FOXO1: variants seen among roughly 807,000 people sequenced by gnomAD.
FOXO1 encodes forkhead box O1.
FOXO1 carries 6 observed loss-of-function variants against 44.1 expected under a neutral mutation model. The observed-to-expected ratio is 0.14, with a 90% CI of 0.07 to 0.27. The LOEUF is 0.27. FOXO1 is among the 10% of genes least tolerant of loss of function. The pLI is 1.00. For missense variants in FOXO1, 737 were observed against 888.8 expected (o/e 0.83, Z 2.17); for synonymous variants, 380 against 362.7 (o/e 1.05, Z -0.54).
intron 1 of FOXO1, among the ~76,000 whole-genome samples, chr13:40,607,763 AC>A (rs1486128584): frequency 2.0e-5 from 3 of 152,250 alleles, no homozygotes; most frequent in Admixed American, 1.3e-4. Context: ...AATAAATGAA[AC>A]CTGTTATCTA....
Position 40,666,009 on chromosome 13 carries a change from G to T in FOXO1, c.204C>A (p.Ala68=). 1 of 1,268,410 alleles carries T rather than the reference G, an allele frequency of 7.9e-7. No individual in the cohort carries two copies. Among genetic ancestry groups the T allele is most frequent in the Non-Finnish European group, 9.9e-7 (1 of 1,008,646 alleles). The allele number at this position is 1,268,410 out of a possible 1,614,324, so 78.6% of individuals were successfully genotyped here. A position where few individuals can be genotyped will look rare whatever the true frequency, so the allele number is the denominator to read the frequency against. Residue 68 remains alanine, a synonymous_variant, in exon 1 of 3, where the codon GCC becomes GCA. Transcript: ENST00000379561. ...GCAAGCTCAGGTTGCTCATGAAGTC[G>T]GCGCTGACAGCGGCAGCCGAGGCCG... ...LPSASAAAVS[A]DFMSNLSLLE... is the part of the protein sequence containing the mutation.
chr13:40,652,157 C>CAG (rs1354329051), intron 1 of FOXO1, among the ~76,000 whole-genome samples: 1 of 152,172 alleles, frequency 6.6e-6, no homozygotes, highest in Non-Finnish European at 1.5e-5. Flanking sequence ...GGTAGCCCTG[C>CAG]AGAGAGAGAG....
chr13:40,566,656 G>C (rs907318000), intron 1 of FOXO1, among the ~76,000 whole-genome samples: 3 of 152,122 alleles, frequency 2.0e-5, no homozygotes, highest in African/African-American at 7.2e-5. Flanking sequence ...TGGGATTACA[G>C]GCGTGAGCCA....
intron 1 of FOXO1, among the ~76,000 whole-genome samples, chr13:40,646,902 G>A (rs779358520): frequency 9.2e-5 from 14 of 152,110 alleles, no homozygotes; most frequent in Admixed American, 2.0e-4. Flanking sequence ...CCTGAACTTC[G>A]TAACAATTCA....
rs914847913 is a variant in FOXO1, at chr13:40,665,938, G to A, written c.275C>T (p.Ala92Val). The part of the protein sequence containing the change: ...DFPQAPGSVA[A>V]AVAAAAAAAA... ...CGCGGCGGCCGCCGCCGCCACCGCC[G>A]CCGCCACGGAGCCGGGCGCCTGCGG... The change falls in exon 1 of 3, where the codon GCG becomes GTG. Residue 92 changes from alanine to valine, a missense_variant. Around this residue, in one of 7 missense-constraint regions of FOXO1, gnomAD observed 213 missense variants for 236.4 expected, o/e 0.90. Coordinates refer to ENST00000379561, the MANE Select transcript of FOXO1 (RefSeq NM_002015.4). 7.4e-6 allele frequency: 9 copies of A among 1,217,722 alleles called. No individual in the cohort carries two copies. Among genetic ancestry groups the A allele is most frequent in the African/African-American group, 6.3e-5 (4 of 63,226 alleles). 75.4% of individuals were successfully genotyped at this position (1,217,722 alleles called of 1,614,324 possible).
intron 1 of FOXO1, among the ~76,000 whole-genome samples, chr13:40,595,401 C>T (rs1032421531): frequency 1.3e-5 from 2 of 152,118 alleles, no homozygotes; most frequent in South Asian, 2.1e-4. Context: ...CGCAGATCCT[C>T]GTTCAGTATT....
intron 1 of FOXO1, among the ~76,000 whole-genome samples, chr13:40,640,657 T>C (rs566566298): frequency 1.3e-5 from 2 of 151,108 alleles, no homozygotes; most frequent in Non-Finnish European, 2.9e-5. Context: ...TTTCTTTTTG[T>C]CCTCGTCCCT....
chr13:40,653,244 G>A (rs1274788072), intron 1 of FOXO1, among the ~76,000 whole-genome samples: 1 of 152,130 alleles, frequency 6.6e-6, no homozygotes, highest in African/African-American at 2.4e-5. Context: ...TGACATTACA[G>A]GCACGAGCCA....
chr13:40,589,232 AT>A (rs1301208464), intron 1 of FOXO1, among the ~76,000 whole-genome samples: 1 of 152,228 alleles, frequency 6.6e-6, no homozygotes, highest in African/African-American at 2.4e-5. Context: ...AAAAGTAACT[AT>A]CTATTCACAT....
At chr13:40,638,329 G>A (rs1829001825) in intron 1 of FOXO1, among the ~76,000 whole-genome samples, 1 of 152,068 alleles carries the variant, frequency 6.6e-6, no homozygotes, top group Non-Finnish European at 1.5e-5. Flanking sequence ...AACTTATAGA[G>A]GAACGTTGAA....
chr13:40,663,963 A>C (rs1878127672), intron 1 of FOXO1, among the ~76,000 whole-genome samples: 1 of 152,190 alleles, frequency 6.6e-6, no homozygotes, highest in South Asian at 2.1e-4. Flanking sequence ...AGAGGCGAAG[A>C]AAGGTATGTT....
intron 1 of FOXO1, among the ~76,000 whole-genome samples, chr13:40,615,682 G>A (rs575863593): frequency 3.9e-5 from 6 of 152,314 alleles, no homozygotes; most frequent in Admixed American, 1.3e-4. Flanking sequence ...CTGAGTGAGC[G>A]AGGTGAGGTG....
chr13:40,644,539 C>T (rs543203500), intron 1 of FOXO1, among the ~76,000 whole-genome samples: 1 of 152,156 alleles, frequency 6.6e-6, no homozygotes, highest in Non-Finnish European at 1.5e-5. Context: ...AAGACCTGCA[C>T]GTGAGTCCGG....
At position 40,650,900 on chromosome 13, in the gene FOXO1, A is replaced by T. The variant is rs571137928; in HGVS notation, c.630+14683T>A. On this transcript the variant is annotated intron_variant, in intron 1 of 2. Coordinates refer to ENST00000379561, the MANE Select transcript of FOXO1 (RefSeq NM_002015.4). The stretch of plus-strand genomic sequence containing the variant: ...CTCCCGAGTAGCTGGGACTACAGGC[A>T]TGCACCACCATGCCCAGCTAATTTG... Among the ~76,000 whole-genome samples the T allele has an allele frequency of 9.9e-5, 15 of 152,110 alleles. No individual in the cohort carries two copies. The South Asian group carries it at 2.7e-3, about 27-fold the overall frequency.
chr13:40,559,805 T>C lies in FOXO1; in HGVS notation c.1686A>G (p.Val562=), dbSNP rs770037212. 1.9e-6 allele frequency: 3 copies of C among 1,614,026 alleles called. No homozygotes were observed. Among genetic ancestry groups the C allele is most frequent in the Non-Finnish European group, 2.5e-6 (3 of 1,179,962 alleles). ...GCATGGGGTGGGGCAGAGGCACTTGTACAGGTGTCTTCACTTGGGTCAGGC... is the reference window on the plus strand; with the variant it reads ...GCATGGGGTGGGGCAGAGGCACTTGCACAGGTGTCTTCACTTGGGTCAGGC... ...MNRLTQVKTP[V]QVPLPHPMQM... Residue 562 remains valine, a synonymous_variant, in exon 2 of 3, where the codon GTA becomes GTG. Coordinates refer to ENST00000379561, the MANE Select transcript of FOXO1 (RefSeq NM_002015.4).
Position 40,600,391 on chromosome 13 carries a change from G to A in FOXO1, c.631-39531C>T, listed in dbSNP as rs1875772718. Among the ~76,000 whole-genome samples the A allele has an allele frequency of 1.3e-5, 2 of 151,838 alleles. 1 individual carries two copies. Among genetic ancestry groups the A allele is most frequent in the South Asian group, 4.2e-4 (2 of 4,760 alleles). On this transcript the variant is annotated intron_variant, in intron 1 of 2. Coordinates refer to ENST00000379561, the MANE Select transcript of FOXO1 (RefSeq NM_002015.4). ...CGGAAGTGCACAGGGGCTTTACCTT[G>A]GGGGGCACTCACATAGATTAGTAAA...
At chr13:40,611,114 G>A (rs1197586586) in intron 1 of FOXO1, 2 of 448,878 alleles carry the variant, frequency 4.5e-6, no homozygotes, top group Non-Finnish European at 8.9e-6. Flanking sequence ...CACATAGGCT[G>A]TAAAACTCAT....
chr13:40,615,092 C>T (rs1009486407), intron 1 of FOXO1, among the ~76,000 whole-genome samples: 4 of 152,186 alleles, frequency 2.6e-5, no homozygotes, highest in Non-Finnish European at 5.9e-5. Context: ...CACATTCATG[C>T]AGCAAACAAC....
At chr13:40,662,637 G>C (rs1375407966) in intron 1 of FOXO1, among the ~76,000 whole-genome samples, 2 of 152,136 alleles carry the variant, frequency 1.3e-5, no homozygotes, top group African/African-American at 2.4e-5. Context: ...AAAAGTTTTT[G>C]AATTCATTAA....
Sources: allele counts gnomAD v4.1 joint callset (sites outside exome capture counted in the v4.1 genomes callset), GRCh38; gene constraint gnomAD v4.1.1; regional missense constraint gnomAD v4.1.1; transcripts MANE v1.5; gene names NCBI Gene and HGNC (gene_info 2026-07-23, HGNC 2026-07-21).